TF: variants seen among roughly 807,000 people sequenced by gnomAD.
The protein encoded by TF is transferrin, also known as serotransferrin.
TF carries 55 observed loss-of-function variants against 82.4 expected under a neutral mutation model. The observed-to-expected ratio is 0.67, with a 90% confidence interval of 0.54 to 0.84. The LOEUF is 0.84. Among genes scored for constraint, TF ranks in the 40% least tolerant of loss-of-function variants. The pLI, the probability that TF is intolerant of heterozygous loss-of-function variation, is 0.00. For synonymous variants in TF, 332 were observed against 332.6 expected (o/e 1.00, Z 0.02); for missense variants, 737 against 868.4 (o/e 0.85, Z 1.90).
In TF at chr3:133,764,212, G is replaced by A. The variant is rs1204614125; in HGVS notation, c.1234G>A (p.Gly412Arg). 1 of 1,614,004 alleles carries A rather than the reference G, an allele frequency of 6.2e-7. No homozygotes were observed. The highest frequency in any genetic ancestry group is 1.1e-5 in the South Asian group (1 of 91,072). Reference protein sequence around the residue: ...NGEADAMSLDGGFVYIAGKCG... With the variant: ...NGEADAMSLDRGFVYIAGKCG... ...AGAAGCTGATGCCATGAGCTTGGATGGAGGGTTTGTCTACATAGCGGGCAA... is the reference window on the plus strand; with the variant it reads ...AGAAGCTGATGCCATGAGCTTGGATAGAGGGTTTGTCTACATAGCGGGCAA... The change falls in exon 10 of 17, where the codon GGA (glycine) becomes AGA (arginine). Residue 412 changes from glycine to arginine, a missense_variant. Transcript: ENST00000402696.
At chr3:133,741,392 A>G (rs1933386990), upstream of TF, among the ~76,000 whole-genome samples, 1 of 152,064 alleles carries the variant, frequency 6.6e-6, no homozygotes, top group Admixed American at 6.5e-5. Flanking sequence ...TTCCTTTTCA[A>G]TCCTTTTACT....
the TF span, among the ~76,000 whole-genome samples, chr3:133,677,999 A>G: frequency 1.3e-5 from 2 of 152,048 alleles, no homozygotes; most frequent in Non-Finnish European, 2.9e-5. Context: ...TCCTAATGCT[A>G]TCCCTCCCCT....
chr3:133,773,087 C>T (rs1300855550), intron 14 of TF: 1 of 152,098 alleles, frequency 6.6e-6, no homozygotes, highest in Non-Finnish European at 1.5e-5. Context: ...GCCCCCCTCT[C>T]TCCCTCCTCC....
At chr3:133,677,994 A>G in the TF span, among the ~76,000 whole-genome samples, 1 of 152,108 alleles carries the variant, frequency 6.6e-6, no homozygotes, top group East Asian at 1.9e-4. Context: ...TTTTCTCCTA[A>G]TGCTATCCCT....
the TF span, among the ~76,000 whole-genome samples, chr3:133,673,306 A>G: frequency 6.6e-6 from 1 of 152,234 alleles, no homozygotes; most frequent in Non-Finnish European, 1.5e-5. Context: ...GTGCATAGGA[A>G]GGAAGCAATT....
At chr3:133,753,797 A>G (rs1933743339) in intron 3 of TF, 94 bp downstream of exon 3, 1 of 997,560 alleles carries the variant, frequency 1.0e-6, no homozygotes, top group Non-Finnish European at 1.6e-6. Flanking sequence ...TATCAGATAT[A>G]ATGAACATTC....
rs1218903134 is a variant in TF at position 133,782,815 on chromosome 3, A to C, written c.*4195A>C. ...TGCAAAAAAAAAAAAAAAAACAAAA[A>C]AAACCCCAAAAAACCAAAACAACAA... is the stretch of plus-strand genomic sequence containing the variant. On this transcript the variant is annotated 3_prime_UTR_variant, in exon 17 of 17. Coordinates refer to ENST00000402696, the MANE Select transcript of TF (RefSeq NM_001063.4). The C allele has an allele frequency of 3.3e-5, 5 of 151,942 alleles. No individual in the cohort carries two copies. The highest frequency in any genetic ancestry group is 7.3e-5 in the African/African-American group (3 of 41,326). The allele number at this position is 151,942 out of a possible 1,614,324, so 9.4% of individuals were successfully genotyped here.
the TF span, among the ~76,000 whole-genome samples, chr3:133,736,247 C>T: frequency 6.6e-6 from 1 of 152,094 alleles, no homozygotes; most frequent in African/African-American, 2.4e-5. Context: ...TACAGACAAG[C>T]AACTGCTGAG....
At chr3:133,721,180 A>C in the TF span, among the ~76,000 whole-genome samples, 1 of 151,922 alleles carries the variant, frequency 6.6e-6, no homozygotes, top group Non-Finnish European at 1.5e-5. Context: ...TGAGGTGCAC[A>C]GTTAGGTTGT....
the TF span, among the ~76,000 whole-genome samples, chr3:133,680,293 C>T: frequency 6.6e-6 from 1 of 151,864 alleles, no homozygotes; most frequent in Admixed American, 6.6e-5. Context: ...GCAGTCTCGA[C>T]CTCCTGGACT....
intron 4 of TF, 94 bp from the exon 5 acceptor site, chr3:133,755,269 C>T: frequency 1.9e-6 from 3 of 1,572,698 alleles, no homozygotes; most frequent in Admixed American, 1.7e-5. Context: ...TGGTTTTAGT[C>T]CCCTCTGTTC....
intron 16 of TF, 25 bp downstream of exon 16, chr3:133,777,263 AAGTGGCAACCAAACATGGTGGTG>A: frequency 3.7e-6 from 6 of 1,606,834 alleles, no homozygotes; most frequent in Non-Finnish European, 2.5e-6. Flanking sequence ...CAGCATGGGG[AAGTGGCAACCAAACATGGTGGTG>A]AGTGCTGGGA....
At chr3:133,732,537 T>C in the TF span, among the ~76,000 whole-genome samples, 1 of 152,216 alleles carries the variant, frequency 6.6e-6, no homozygotes, top group Non-Finnish European at 1.5e-5. Context: ...CTTTTCACAG[T>C]GTGGAAGTTT....
chr3:133,719,339 G>T, the TF span, among the ~76,000 whole-genome samples: 1 of 152,244 alleles, frequency 6.6e-6, no homozygotes, highest in East Asian at 1.9e-4. Flanking sequence ...TTAAAATAAG[G>T]ACCCAAACAA....
At chr3:133,764,788 T>C (rs1199735980) in intron 10 of TF, 87 bp from the exon 11 acceptor site, 34 of 1,323,042 alleles carry the variant, frequency 2.6e-5, no homozygotes, top group Middle Eastern at 1.8e-4. Context: ...ACTTTCTTTA[T>C]TCTTAGCTGC....
At chr3:133,729,845 G>C in the TF span, among the ~76,000 whole-genome samples, 1 of 151,930 alleles carries the variant, frequency 6.6e-6, no homozygotes, top group African/African-American at 2.4e-5. Flanking sequence ...TCTCTTTGTT[G>C]ATTTTTTTCA....
the TF span, chr3:133,704,293 C>T: frequency 4.4e-6 from 1 of 228,662 alleles, no homozygotes. Context: ...TGGTCTGGTG[C>T]CTGTCCTGGC....
chr3:133,735,302 T>G, the TF span, among the ~76,000 whole-genome samples: 4 of 147,536 alleles, frequency 2.7e-5, no homozygotes, highest in African/African-American at 1.0e-4. Context: ...ATCACACCAC[T>G]GCACTCTAGC....
chr3:133,670,606 A>G, the TF span, among the ~76,000 whole-genome samples: 1 of 152,198 alleles, frequency 6.6e-6, no homozygotes, highest in African/African-American at 2.4e-5. Flanking sequence ...TCACCTCTGG[A>G]CTTTATTTGG....
Sources: allele counts gnomAD v4.1 joint callset (sites outside exome capture counted in the v4.1 genomes callset), GRCh38; gene constraint gnomAD v4.1.1; transcripts MANE v1.5; gene names NCBI Gene and HGNC (gene_info 2026-07-23, HGNC 2026-07-21).